GALNTL6: variants seen among roughly 807,000 people sequenced by gnomAD.
GALNTL6 encodes the protein polypeptide N-acetylgalactosaminyltransferase like 6.
GALNTL6 carries 46 observed loss-of-function variants against 73.7 expected under a neutral mutation model. The ratio of observed to expected loss-of-function variants is 0.62; its 90% CI spans 0.49 to 0.80. The LOEUF (loss-of-function observed/expected upper bound fraction) is 0.80, where lower values mean the gene tolerates loss of function less well. GALNTL6 is among the 30% of genes least tolerant of loss of function. The pLI is 0.00. For synonymous variants in GALNTL6, 259 were observed against 263.7 expected (o/e 0.98, Z 0.17); for missense variants, 604 against 755.0 (o/e 0.80, Z 2.34).
At chr4:171,975,499 G>T (rs1739694073) in intron 2 of GALNTL6, among the ~76,000 whole-genome samples, 1 of 152,140 alleles carries the variant, frequency 6.6e-6, no homozygotes, top group Non-Finnish European at 1.5e-5. Flanking sequence ...TATATAACAT[G>T]GTGAATCCTT....
At chr4:172,173,172 T>A (rs1734887248) in intron 2 of GALNTL6, among the ~76,000 whole-genome samples, 2 of 152,184 alleles carry the variant, frequency 1.3e-5, no homozygotes, top group African/African-American at 4.8e-5. Context: ...ACTGAAACTT[T>A]CCAAAACCTG....
chr4:171,936,202 A>G (rs750513934), intron 2 of GALNTL6, among the ~76,000 whole-genome samples: 1 of 152,212 alleles, frequency 6.6e-6, no homozygotes, highest in Non-Finnish European at 1.5e-5. Context: ...TTCAAAAACT[A>G]TCATTTAATA....
At chr4:172,711,375 T>TG in intron 5 of GALNTL6, among the ~76,000 whole-genome samples, 1 of 152,264 alleles carries the variant, frequency 6.6e-6, no homozygotes, top group East Asian at 1.9e-4. Context: ...TCAGGTCCTT[T>TG]GGAGTCCTGC....
chr4:172,013,225 ATTG>A (rs1216390200), intron 2 of GALNTL6, among the ~76,000 whole-genome samples: 1 of 152,016 alleles, frequency 6.6e-6, no homozygotes, highest in African/African-American at 2.4e-5. Flanking sequence ...TATACAATAA[ATTG>A]TTGTTAATTA....
intron 5 of GALNTL6, among the ~76,000 whole-genome samples, chr4:172,623,100 G>A (rs908041268): frequency 6.6e-6 from 1 of 152,100 alleles, no homozygotes; most frequent in African/African-American, 2.4e-5. Flanking sequence ...GGTGGCAGTA[G>A]AGGAGAGGCA....
chr4:171,897,663 T>A (rs893864939), intron 2 of GALNTL6, among the ~76,000 whole-genome samples: 2 of 151,748 alleles, frequency 1.3e-5, no homozygotes, highest in Non-Finnish European at 2.9e-5. Context: ...TCTTTTTTCT[T>A]TTTTCGAGAC....
intron 5 of GALNTL6, among the ~76,000 whole-genome samples, chr4:172,657,284 GTGAGATAA>G (rs1380490704): frequency 6.6e-6 from 1 of 152,190 alleles, no homozygotes; most frequent in Non-Finnish European, 1.5e-5. Context: ...TAATTATGCT[GTGAGATAA>G]TCCATCATGG....
chr4:172,386,424 C>G (rs1003936199), intron 5 of GALNTL6, among the ~76,000 whole-genome samples: 5 of 152,082 alleles, frequency 3.3e-5, no homozygotes, highest in Admixed American at 2.6e-4. Flanking sequence ...AGCAAGCTCT[C>G]TCTTGTCTCT....
chr4:171,834,376 C>T (rs536494955), intron 2 of GALNTL6, among the ~76,000 whole-genome samples: 1 of 152,032 alleles, frequency 6.6e-6, no homozygotes, highest in East Asian at 1.9e-4. Context: ...TCCTGAGACT[C>T]ATGGAGTTTT....
Position 172,826,722 on chromosome 4 carries a change from C to T in GALNTL6, c.923+12999C>T, listed in dbSNP as rs1742289102. 3.3e-5 allele frequency among the ~76,000 whole-genome samples: 5 copies of T among 152,306 alleles called. 1 individual carries two copies. In the South Asian group the frequency reaches 1.0e-3, roughly 32 times the overall value. On this transcript the variant is annotated intron_variant, in intron 7 of 12. Transcript: ENST00000506823. ...ACATCCAAAGAAGACCAGAGCACGG[C>T]CCTCTTTCCTGAATCTCAGGTCACT...
At chr4:172,364,183 G>C (rs191309902) in intron 5 of GALNTL6, among the ~76,000 whole-genome samples, 29 of 152,270 alleles carry the variant, frequency 1.9e-4, no homozygotes, top group African/African-American at 6.7e-4. Context: ...CCTCTGTGGG[G>C]AGCCAAAGGC....
intron 8 of GALNTL6, among the ~76,000 whole-genome samples, chr4:172,912,816 G>A (rs1747285031): frequency 6.6e-6 from 1 of 152,206 alleles, no homozygotes; most frequent in Non-Finnish European, 1.5e-5. Context: ...AAAGGCAGCA[G>A]AAACTTCTGC....
intron 5 of GALNTL6, among the ~76,000 whole-genome samples, chr4:172,522,667 C>T (rs1579150842): frequency 1.7e-4 from 3 of 17,774 alleles, no homozygotes; most frequent in Admixed American, 9.2e-4. Context: ...AAACTCAGTC[C>T]CCCCCCCCCC....
At chr4:172,500,728 G>A (rs773449729) in intron 5 of GALNTL6, among the ~76,000 whole-genome samples, 3 of 151,062 alleles carry the variant, frequency 2.0e-5, no homozygotes, top group Non-Finnish European at 4.4e-5. Context: ...AACTTAAGAC[G>A]GCTTGGAACT....
At chr4:172,008,838 T>A (rs919454103) in intron 2 of GALNTL6, among the ~76,000 whole-genome samples, 1 of 152,094 alleles carries the variant, frequency 6.6e-6, no homozygotes, top group South Asian at 2.1e-4. Flanking sequence ...CAACCTCCAA[T>A]CTTTAGTCTT....
At chr4:172,769,868 C>T (rs181775011) in intron 5 of GALNTL6, among the ~76,000 whole-genome samples, 87 of 152,330 alleles carry the variant, frequency 5.7e-4, no homozygotes, top group African/African-American at 1.9e-3. Context: ...CAAATCCCAA[C>T]TTTTCTCTTA....
At chr4:171,835,639 C>T (rs1429292900) in intron 2 of GALNTL6, among the ~76,000 whole-genome samples, 1 of 151,814 alleles carries the variant, frequency 6.6e-6, no homozygotes, top group African/African-American at 2.4e-5. Context: ...AATTGACAGT[C>T]TCTAATTATT....
intron 2 of GALNTL6, among the ~76,000 whole-genome samples, chr4:172,165,290 T>A (rs982909890): frequency 6.6e-6 from 1 of 152,124 alleles, no homozygotes; most frequent in African/African-American, 2.4e-5. Context: ...AAGGAATAGC[T>A]CTTACAACTT....
chr4:172,255,602 C>T (rs1377725058), intron 3 of GALNTL6, among the ~76,000 whole-genome samples: 1 of 151,186 alleles, frequency 6.6e-6, no homozygotes, highest in African/African-American at 2.4e-5. Flanking sequence ...TATTTCTACT[C>T]TCAATAAATG....
Sources: gnomAD v4.1 joint callset for allele counts (sites outside exome capture counted in the v4.1 genomes callset) on GRCh38, gnomAD v4.1.1 for gene constraint, MANE v1.5 for transcripts, NCBI Gene and HGNC (gene_info 2026-07-23, HGNC 2026-07-21) for gene names.